The following DUSP22 variants were observed in gnomAD, a reference collection of about 807,000 sequenced individuals.
DUSP22 encodes the protein dual specificity phosphatase 22.
A neutral mutation model predicts 24.5 loss-of-function variants in DUSP22; 24 were observed. That is an observed-to-expected ratio of 0.98 (90% confidence interval 0.71 to 1.38). The LOEUF is 1.38. Ranked by LOEUF, DUSP22 falls within the 40% of genes most tolerant of loss-of-function variation. The pLI, the probability that DUSP22 is intolerant of heterozygous loss-of-function variation, is 0.00. For missense variants in DUSP22, 330 were observed against 269.2 expected, an observed-to-expected ratio of 1.23 and a Z score of -1.58; for synonymous variants, 160 against 106.4, an observed-to-expected ratio of 1.50 and a Z score of -3.10.
chr6:307,728 T>C (rs1180618487), intron 2 of DUSP22, among the ~76,000 whole-genome samples: 1 of 152,306 alleles, frequency 6.6e-6, no homozygotes, highest in East Asian at 1.9e-4. Flanking sequence ...GTCCACAGAA[T>C]TCTAGAAAAG....
chr6:310,068 C>T (rs1758003598), intron 2 of DUSP22, among the ~76,000 whole-genome samples: 1 of 152,306 alleles, frequency 6.6e-6, no homozygotes, highest in African/African-American at 2.4e-5. Context: ...TCAAGCGATT[C>T]TCCTACCTCA....
intron 4 of DUSP22, among the ~76,000 whole-genome samples, chr6:337,379 G>A (rs1265093644): frequency 9.8e-5 from 15 of 152,298 alleles, no homozygotes; most frequent in African/African-American, 3.6e-4. Flanking sequence ...AACTGAGTCT[G>A]TTTTCACTCA....
chr6:328,370 A>G (rs1011711815), intron 3 of DUSP22, among the ~76,000 whole-genome samples: 4 of 152,304 alleles, frequency 2.6e-5, no homozygotes, highest in African/African-American at 4.8e-5. Flanking sequence ...AGGAAATCCA[A>G]CATTCTGACC....
intron 1 of DUSP22, among the ~76,000 whole-genome samples, chr6:297,422 G>A (rs1302985143): frequency 6.6e-6 from 1 of 152,308 alleles, no homozygotes; most frequent in Non-Finnish European, 1.5e-5. Flanking sequence ...GAAGATGAGG[G>A]AGTATAGTTG....
At chr6:324,469 A>G (rs1331176920) in intron 3 of DUSP22, among the ~76,000 whole-genome samples, 1 of 152,306 alleles carries the variant, frequency 6.6e-6, no homozygotes, top group Non-Finnish European at 1.5e-5. Flanking sequence ...CTTGCTGCAT[A>G]ACAGAGGGGT....
chr6:315,551 T>C (rs1014268232), intron 3 of DUSP22, among the ~76,000 whole-genome samples: 12 of 152,302 alleles, frequency 7.9e-5, no homozygotes, highest in African/African-American at 2.4e-4. Context: ...CGGTAGATCT[T>C]ACCAGATCAC....
chr6:321,874 G>A (rs1758605452), intron 3 of DUSP22, among the ~76,000 whole-genome samples: 1 of 152,308 alleles, frequency 6.6e-6, no homozygotes, highest in African/African-American at 2.4e-5. Context: ...AAGTACCCAT[G>A]GCTCTGCCAT....
At position 348,829 on chromosome 6, in the gene DUSP22, A is replaced by G. The variant is rs543159782; in HGVS notation, c.496A>G (p.Lys166Glu). 1 of 1,614,316 alleles carries G rather than the reference A, an allele frequency of 6.2e-7. No homozygotes were observed. The highest frequency in any genetic ancestry group is 2.2e-5 in the East Asian group (1 of 44,896). Residue 166 changes from lysine (K) to glutamate (E), a missense_variant, in exon 7 of 7, where the codon AAA (lysine) becomes GAA (glutamate). By Grantham distance (56) the Lys-to-Glu change is moderately conservative. Coordinates refer to ENST00000419235, the MANE Select transcript of DUSP22 (RefSeq NM_001286555.3). ...ESPLQDAEEA[K>E]NILGKYKEQG... Reference sequence around the variant, plus strand: ...CCCTTTGCAGGATGCAGAAGAAGCCAAAAACATTCTGGGTAAATATAAGGA... The same window carrying G: ...CCCTTTGCAGGATGCAGAAGAAGCCGAAAACATTCTGGGTAAATATAAGGA...
chr6:308,153 G>A (rs1450300800), intron 2 of DUSP22, among the ~76,000 whole-genome samples: 2 of 152,302 alleles, frequency 1.3e-5, no homozygotes, highest in Non-Finnish European at 2.9e-5. Flanking sequence ...GTAGACATGG[G>A]GTCTACTTGA....
chr6:349,503 C>T lies in DUSP22; in HGVS notation c.*552C>T, dbSNP rs926163251. ...GAGCAGTCTGTGCCTCTGAGCAGACCGTGAGAACTCAGGGGACGAGTGGCT... is the reference window on the plus strand; with the variant it reads ...GAGCAGTCTGTGCCTCTGAGCAGACTGTGAGAACTCAGGGGACGAGTGGCT... On this transcript the variant is annotated 3_prime_UTR_variant, in exon 7 of 7. Coordinates refer to ENST00000419235, the MANE Select transcript of DUSP22 (RefSeq NM_001286555.3). The T allele has an allele frequency of 8.4e-5, 84 of 994,362 alleles. No individual in the cohort carries two copies. In the South Asian group the frequency reaches 2.8e-3, roughly 33 times the overall value. The allele number at this position is 994,362 out of a possible 1,614,324, so 61.6% of individuals were successfully genotyped here.
chr6:336,046 T>C (rs567257571), intron 4 of DUSP22, among the ~76,000 whole-genome samples: 4 of 152,424 alleles, frequency 2.6e-5, no homozygotes, highest in African/African-American at 7.2e-5. Flanking sequence ...CCGTGGCAGC[T>C]ACAGCTTTAG....
At chr6:322,843 G>GCCTTC (rs1758673129) in intron 3 of DUSP22, among the ~76,000 whole-genome samples, 1 of 141,540 alleles carries the variant, frequency 7.1e-6, no homozygotes, top group Non-Finnish European at 1.6e-5. Flanking sequence ...GGCGGGGGGG[G>GCCTTC]GCCTTCGAGT....
rs539737732 is a variant in DUSP22, at chr6:348,181, C to T, written c.342C>T (p.Ala114=). Reference sequence around the variant, plus strand: ...TCACTGACTTTGGCTGGGAGGATGCCCTGCACACCGTGCGTGCTGGGAGAT... The same window carrying T: ...TCACTGACTTTGGCTGGGAGGATGCTCTGCACACCGTGCGTGCTGGGAGAT... The part of the protein sequence containing the change: ...MTVTDFGWED[A]LHTVRAGRSC... The change falls in exon 6 of 7, where the codon GCC becomes GCT. Residue 114 remains alanine, a synonymous_variant. Transcript: ENST00000419235. The T allele has an allele frequency of 1.9e-6, 3 of 1,614,308 alleles. No homozygotes were observed. The highest frequency in any genetic ancestry group is 2.2e-5 in the South Asian group (2 of 91,092).
chr6:343,108 A>G (rs1464325828), intron 4 of DUSP22, among the ~76,000 whole-genome samples: 1 of 152,120 alleles, frequency 6.6e-6, no homozygotes, highest in Non-Finnish European at 1.5e-5. Context: ...CGGCACTGAT[A>G]CCTTAGATTT....
intron 2 of DUSP22, 45 bp from the exon 3 acceptor site, chr6:311,835 A>T (rs763511932): frequency 6.3e-7 from 1 of 1,584,194 alleles, no homozygotes; most frequent in South Asian, 1.1e-5. Context: ...GGAGTAATTA[A>T]CTTGCAAAGA....
At chr6:299,359 G>A (rs1012918073) in intron 1 of DUSP22, among the ~76,000 whole-genome samples, 2 of 152,296 alleles carry the variant, frequency 1.3e-5, no homozygotes, top group Non-Finnish European at 2.9e-5. Context: ...CTCTTTCTCT[G>A]TATTCAGGGA....
chr6:345,746 CAA>C, intron 4 of DUSP22, 106 bp from the exon 5 acceptor site: 1 of 1,374,156 alleles, frequency 7.3e-7, no homozygotes. Flanking sequence ...GTCAATTATA[CAA>C]AAAAATCAAT....
At chr6:329,270 A>T (rs992888319) in intron 3 of DUSP22, among the ~76,000 whole-genome samples, 1 of 152,308 alleles carries the variant, frequency 6.6e-6, no homozygotes, top group Non-Finnish European at 1.5e-5. Flanking sequence ...AGTCAGATTC[A>T]TAGAGATAGA....
At chr6:294,922 C>T (rs1255641028) in intron 1 of DUSP22, among the ~76,000 whole-genome samples, 3 of 152,290 alleles carry the variant, frequency 2.0e-5, no homozygotes, top group Non-Finnish European at 4.4e-5. Context: ...GCAAGGAATC[C>T]TGCTGCAGTA....
Sources: allele counts gnomAD v4.1 joint callset (sites outside exome capture counted in the v4.1 genomes callset), GRCh38; gene constraint gnomAD v4.1.1; transcripts MANE v1.5; gene names NCBI Gene and HGNC (gene_info 2026-07-23, HGNC 2026-07-21).